RPS18: variants seen among roughly 807,000 people sequenced by gnomAD.
The protein encoded by RPS18 is ribosomal protein S18, also known as small ribosomal subunit protein uS13.
For missense variants in RPS18, 49 were observed against 200.8 expected (o/e 0.24, Z 4.57); for synonymous variants, 64 against 70.9 (o/e 0.90, Z 0.49).
chr6:33,275,835 A>G lies in RPS18; in HGVS notation c.141A>G (p.Lys47=). 6.2e-7 allele frequency: 1 copy of G among 1,613,470 alleles called. No individual in the cohort carries two copies. Among genetic ancestry groups the G allele is most frequent in the East Asian group, 2.2e-5 (1 of 44,884 alleles). Residue 47 remains lysine (K), a synonymous_variant, in exon 3 of 6, where the codon AAA becomes AAG. Coordinates refer to ENST00000439602, the MANE Select transcript of RPS18 (RefSeq NM_022551.3). ...GATATGCTCATGTGGTGTTGAGGAA[A>G]GCAGACATTGACCTCACCAAGAGGG... ...GRRYAHVVLR[K]ADIDLTKRAG...
chr6:33,276,264 G>T lies in RPS18; in HGVS notation c.380G>T (p.Trp127Leu). 4 of 1,613,338 alleles carry T rather than the reference G, an allele frequency of 2.5e-6. No homozygotes were observed. Among genetic ancestry groups the T allele is most frequent in the Non-Finnish European group, 3.4e-6 (4 of 1,179,466 alleles). The change falls in exon 5 of 6, where the codon TGG becomes TTG. Residue 127 changes from tryptophan to leucine, a missense_variant. Trp to Leu is a moderately conservative substitution (Grantham distance 61). Transcript: ENST00000439602. ...IRAHRGLRHF[W>L]GLRVRGQHTK... ...GCCCATAGAGGGCTGCGTCACTTCT[G>T]GGGGTGAGTGGGGGGTCTCATCTCC... is the stretch of plus-strand genomic sequence containing the variant.
intron 2 of RPS18, among the ~76,000 whole-genome samples, chr6:33,274,274 C>T (rs1765486142): frequency 6.6e-6 from 1 of 152,202 alleles, no homozygotes; most frequent in East Asian, 1.9e-4. Flanking sequence ...CTCTTCACTG[C>T]AGCCTCGACC....
At chr6:33,275,048 C>A (rs458434) in intron 2 of RPS18, among the ~76,000 whole-genome samples, 18,811 of 152,148 alleles carry the variant, frequency 0.12, 1,302 homozygotes, top group South Asian at 0.2. Flanking sequence ...TATGGGGATA[C>A]AGTGATTTGC....
At position 33,276,136 on chromosome 6, in the gene RPS18, C is replaced by A. The variant is rs186953671; in HGVS notation, c.292-40C>A. On this transcript the variant is annotated intron_variant, in intron 4 of 5. Coordinates refer to ENST00000439602, the MANE Select transcript of RPS18 (RefSeq NM_022551.3). Reference sequence around the variant, plus strand: ...CCTAACAGAATTGGGCATAGGAGGTCAGGGGATAAAACATCCCTTGCCCCC... The same window carrying A: ...CCTAACAGAATTGGGCATAGGAGGTAAGGGGATAAAACATCCCTTGCCCCC... 5.4e-5 allele frequency: 86 copies of A among 1,605,234 alleles called. No homozygotes were observed. The highest frequency in any genetic ancestry group is 7.2e-5 in the Non-Finnish European group (84 of 1,172,026).
chr6:33,275,942 T>C (rs1183349773), intron 3 of RPS18, 23 bp from the exon 4 acceptor site: 1 of 1,611,138 alleles, frequency 6.2e-7, no homozygotes, highest in Non-Finnish European at 8.5e-7. Flanking sequence ...TCCATCTAGA[T>C]CTGACCTTGG....
At chr6:33,275,594 C>T in intron 2 of RPS18, 1 of 601,494 alleles carries the variant, frequency 1.7e-6, no homozygotes, top group Non-Finnish European at 3.0e-6. Context: ...GCTGGGATTA[C>T]AGGCGTGAGC....
intron 2 of RPS18, 40 bp from the exon 3 acceptor site, chr6:33,275,757 C>G: frequency 7.8e-7 from 1 of 1,289,538 alleles, no homozygotes; most frequent in Non-Finnish European, 1.1e-6. Context: ...ATTTAAAAAT[C>G]AGATTCAACA....
chr6:33,274,936 T>C lies in RPS18; in HGVS notation c.103-861T>C, dbSNP rs568012889. ...GCATGGGTGCTAGTGCTGGTGTTGATGTGATGCTACCAATGTAAGCATTAG... is the reference window on the plus strand; with the variant it reads ...GCATGGGTGCTAGTGCTGGTGTTGACGTGATGCTACCAATGTAAGCATTAG... On this transcript the variant is annotated intron_variant, in intron 2 of 5. Coordinates refer to ENST00000439602, the MANE Select transcript of RPS18 (RefSeq NM_022551.3). 2.0e-5 allele frequency among the ~76,000 whole-genome samples: 3 copies of C among 152,340 alleles called. No homozygotes were observed. The South Asian group carries it at 6.2e-4, about 32-fold the overall frequency.
intron 1 of RPS18, 113 bp from the exon 2 acceptor site, chr6:33,272,515 T>G: frequency 1.3e-6 from 1 of 744,752 alleles, no homozygotes; most frequent in Non-Finnish European, 2.5e-6. Flanking sequence ...GGCGGGTGTC[T>G]TGCCACTTGT....
At chr6:33,273,229 A>G (rs1765369905) in intron 2 of RPS18, among the ~76,000 whole-genome samples, 1 of 152,214 alleles carries the variant, frequency 6.6e-6, no homozygotes, top group Non-Finnish European at 1.5e-5. Context: ...GATGAGCCAT[A>G]ATTGACACTC....
chr6:33,274,483 A>G (rs1172230753), intron 2 of RPS18, among the ~76,000 whole-genome samples: 1 of 152,184 alleles, frequency 6.6e-6, no homozygotes, highest in Admixed American at 6.5e-5. Context: ...GGTGAAGCCA[A>G]CCCTTGATCT....
chr6:33,272,356 C>T, intron 1 of RPS18: 1 of 610,442 alleles, frequency 1.6e-6, no homozygotes, highest in Non-Finnish European at 2.9e-6. Context: ...ATATGGGGAA[C>T]TCTGGCTTTT....
rs571782235 is a variant in RPS18 at position 33,272,104 on chromosome 6, C to G, written c.-16C>G. ...CTTCCACAGGAGGCCTACACGCCGC[C>G]GCTTGTGCTGCAGCCATGGTAAGAC... On this transcript the variant is annotated 5_prime_UTR_variant, in exon 1 of 6. Coordinates refer to ENST00000439602, the MANE Select transcript of RPS18 (RefSeq NM_022551.3). 1.0e-5 allele frequency: 16 copies of G among 1,567,200 alleles called. No homozygotes were observed. The East Asian group carries it at 2.1e-4, about 21-fold the overall frequency.
intron 2 of RPS18, chr6:33,275,460 C>T (rs756502308): frequency 4.9e-5 from 14 of 285,300 alleles, no homozygotes; most frequent in Non-Finnish European, 2.0e-5. Context: ...GGATTACAGG[C>T]ACCTGCCACC....
chr6:33,273,429 C>T (rs1765399356), intron 2 of RPS18, among the ~76,000 whole-genome samples: 1 of 151,960 alleles, frequency 6.6e-6, no homozygotes, highest in Non-Finnish European at 1.5e-5. Flanking sequence ...GTGGAAATAG[C>T]CTACCAGTAT....
intron 4 of RPS18, 55 bp downstream of exon 4, chr6:33,276,121 T>A: frequency 6.2e-7 from 1 of 1,606,484 alleles, no homozygotes; most frequent in African/African-American, 1.3e-5. Context: ...CCTAACAGAA[T>A]TGGGCATAGG....
Position 33,272,098 on chromosome 6 carries a change from C to T in RPS18, c.-22C>T, listed in dbSNP as rs764608866. The T allele has an allele frequency of 1.3e-6, 2 of 1,566,222 alleles. No homozygotes were observed. The highest frequency in any genetic ancestry group is 1.4e-5 in the African/African-American group (1 of 73,916). ...CTCTCTCTTCCACAGGAGGCCTACA[C>T]GCCGCCGCTTGTGCTGCAGCCATGG... is the stretch of plus-strand genomic sequence containing the variant. On this transcript the variant is annotated 5_prime_UTR_variant, in exon 1 of 6. In the 5' UTR this introduces an upstream ATG that the reference lacks. Coordinates refer to ENST00000439602, the MANE Select transcript of RPS18 (RefSeq NM_022551.3).
chr6:33,276,107 G>C, intron 4 of RPS18, 41 bp downstream of exon 4: 3 of 1,597,932 alleles, frequency 1.9e-6, no homozygotes, highest in Non-Finnish European at 2.6e-6. Flanking sequence ...GAAGGGTGGA[G>C]GGTCCTAACA....
In RPS18 at chr6:33,273,991, C is replaced by T. The variant is rs564223657; in HGVS notation, c.102+1265C>T. On this transcript the variant is annotated intron_variant, in intron 2 of 5. Coordinates refer to ENST00000439602, the MANE Select transcript of RPS18 (RefSeq NM_022551.3). ...TATTTATCCCGAGACAGAGTCTCAC[C>T]CCGTCACCCAGGCCGGAGTGCAATG... 9.2e-5 allele frequency among the ~76,000 whole-genome samples: 14 copies of T among 152,312 alleles called. 1 individual carries two copies. The South Asian group carries it at 1.2e-3, about 14-fold the overall frequency.
Sources: allele counts gnomAD v4.1 joint callset (sites outside exome capture counted in the v4.1 genomes callset), GRCh38; gene constraint gnomAD v4.1.1; transcripts MANE v1.5; gene names NCBI Gene and HGNC (gene_info 2026-07-23, HGNC 2026-07-21).